The following LRRC37A2 variants were observed in gnomAD, a reference collection of about 807,000 sequenced individuals.
LRRC37A2 encodes the protein leucine rich repeat containing 37 member A2.
LRRC37A2 carries 9 observed loss-of-function variants against 68.8 expected under a neutral mutation model. The ratio of observed to expected loss-of-function variants is 0.13; its 90% CI spans 0.08 to 0.23. LRRC37A2 has a LOEUF of 0.23. Ranked by LOEUF, LRRC37A2 falls within the 10% of genes least tolerant of loss-of-function variation. The pLI is 1.00. For missense variants in LRRC37A2, 168 were observed against 950.4 expected (o/e 0.18, Z 10.82); for synonymous variants, 63 against 367.6 (o/e 0.17, Z 9.48).
At chr17:46,796,955 AAACCAAACTG>A in the LRRC37A2 span, among the ~76,000 whole-genome samples, 2 of 152,198 alleles carry the variant, frequency 1.3e-5, no homozygotes, top group East Asian at 3.8e-4. Context: ...TAAGACCACA[AAACCAAACTG>A]ACTGAAATAG....
the LRRC37A2 span, chr17:46,948,453 G>A: frequency 6.6e-6 from 1 of 152,224 alleles, no homozygotes. Flanking sequence ...GACTTTATTT[G>A]TTACAAGATA....
chr17:47,022,492 A>G, the LRRC37A2 span, among the ~76,000 whole-genome samples: 1 of 151,840 alleles, frequency 6.6e-6, no homozygotes, highest in East Asian at 1.9e-4. Flanking sequence ...TTTAATGTAT[A>G]AAAATGCAAT....
At chr17:46,928,034 C>T in the LRRC37A2 span, among the ~76,000 whole-genome samples, 4 of 152,234 alleles carry the variant, frequency 2.6e-5, no homozygotes, top group Non-Finnish European at 4.4e-5. Context: ...CTTCAGGTGT[C>T]GGCTACCTCA....
the LRRC37A2 span, among the ~76,000 whole-genome samples, chr17:46,924,899 A>C: frequency 6.6e-6 from 1 of 152,184 alleles, no homozygotes; most frequent in African/African-American, 2.4e-5. Flanking sequence ...GGTCTTATCT[A>C]GTTAATTTAG....
chr17:46,803,776 C>A, the LRRC37A2 span, among the ~76,000 whole-genome samples: 1 of 152,226 alleles, frequency 6.6e-6, no homozygotes, highest in Admixed American at 6.5e-5. Flanking sequence ...TGGCCACAGG[C>A]AGTGTGGCCT....
the LRRC37A2 span, chr17:46,728,787 A>C: frequency 8.5e-7 from 1 of 1,177,936 alleles, no homozygotes; most frequent in Non-Finnish European, 1.2e-6. Flanking sequence ...AAAAAAAAAC[A>C]AAAACTGAAT....
At chr17:46,996,984 A>G in the LRRC37A2 span, among the ~76,000 whole-genome samples, 1 of 152,250 alleles carries the variant, frequency 6.6e-6, no homozygotes, top group African/African-American at 2.4e-5. Flanking sequence ...GTCATGGAAT[A>G]GTTAACGAGG....
chr17:46,618,407 AAT>A, the LRRC37A2 span, among the ~76,000 whole-genome samples: 2 of 123,712 alleles, frequency 1.6e-5, 1 homozygote, highest in Non-Finnish European at 3.3e-5. Flanking sequence ...TCGTTGAAAA[AAT>A]GAGATACCAT....
chr17:46,766,300 C>T, the LRRC37A2 span, among the ~76,000 whole-genome samples: 2 of 151,950 alleles, frequency 1.3e-5, no homozygotes, highest in African/African-American at 4.8e-5. Context: ...CCCAGCTACT[C>T]GGGAGGCTGA....
the LRRC37A2 span, chr17:46,773,900 G>A: frequency 1.2e-6 from 2 of 1,611,646 alleles, no homozygotes; most frequent in Non-Finnish European, 1.7e-6. Context: ...GCTGGCCCAG[G>A]GCCAGGGACC....
At chr17:46,889,995 T>G in the LRRC37A2 span, among the ~76,000 whole-genome samples, 1 of 152,206 alleles carries the variant, frequency 6.6e-6, no homozygotes, top group African/African-American at 2.4e-5. Context: ...TTCTCTGCAA[T>G]TACTATTATT....
At chr17:47,037,638 TA>T in the LRRC37A2 span, among the ~76,000 whole-genome samples, 17 of 152,210 alleles carry the variant, frequency 1.1e-4, no homozygotes, top group Non-Finnish European at 2.1e-4. Flanking sequence ...CCTCATAGAA[TA>T]AGTTAGGAAA....
At chr17:46,795,853 CTCTG>C in the LRRC37A2 span, among the ~76,000 whole-genome samples, 1 of 152,208 alleles carries the variant, frequency 6.6e-6, no homozygotes, top group Non-Finnish European at 1.5e-5. Context: ...CTCTGTCTCT[CTCTG>C]TCTCTGTCTC....
At chr17:46,956,127 C>T in the LRRC37A2 span, among the ~76,000 whole-genome samples, 2 of 152,046 alleles carry the variant, frequency 1.3e-5, no homozygotes, top group South Asian at 2.1e-4. Context: ...CCATCTTAAC[C>T]TTCAGGGAAA....
the LRRC37A2 span, among the ~76,000 whole-genome samples, chr17:46,967,159 T>C: frequency 6.6e-6 from 1 of 152,228 alleles, no homozygotes; most frequent in Admixed American, 6.5e-5. Context: ...CATAACAGGA[T>C]GCAGAGCGAG....
chr17:46,745,217 A>G, the LRRC37A2 span, among the ~76,000 whole-genome samples: 277 of 152,304 alleles, frequency 1.8e-3, no homozygotes, highest in African/African-American at 6.4e-3. Flanking sequence ...ATCCCATGCA[A>G]TGTATCACTT....
chr17:46,927,317 G>A, the LRRC37A2 span, among the ~76,000 whole-genome samples: 3 of 152,046 alleles, frequency 2.0e-5, no homozygotes, highest in Non-Finnish European at 2.9e-5. Flanking sequence ...CCTCCAGTCT[G>A]TGCCATTCAT....
At chr17:47,045,050 C>T in the LRRC37A2 span, among the ~76,000 whole-genome samples, 122,681 of 134,538 alleles carry the variant, frequency 0.91, 56,486 homozygotes, top group East Asian at 0.99. Context: ...AGAGGTAAGG[C>T]TGCTATATAA....
chr17:46,872,647 A>G, the LRRC37A2 span: 1 of 1,613,578 alleles, frequency 6.2e-7, no homozygotes, highest in Non-Finnish European at 8.5e-7. Flanking sequence ...GCTCTGCCGG[A>G]GGGAGCCCGG....
Sources: gnomAD v4.1 joint callset for allele counts (sites outside exome capture counted in the v4.1 genomes callset) on GRCh38, gnomAD v4.1.1 for gene constraint, MANE v1.5 for transcripts, NCBI Gene and HGNC (gene_info 2026-07-23, HGNC 2026-07-21) for gene names.